CSMD1: variants seen among roughly 807,000 people sequenced by gnomAD.
The protein encoded by CSMD1 is CUB and sushi domain-containing protein 1.
CSMD1 carries 213 observed loss-of-function variants against 417.5 expected under a neutral mutation model. The ratio of observed to expected loss-of-function variants is 0.51; its 90% CI spans 0.46 to 0.57. CSMD1 has a LOEUF of 0.57. CSMD1 is among the 20% of genes least tolerant of loss of function. CSMD1 has a pLI of 0.00. For synonymous variants in CSMD1, 2,862 were observed against 1,736.8 expected (o/e 1.65, Z -16.11); for missense variants, 6,923 against 4,529.7 (o/e 1.53, Z -15.17).
At chr8:3,025,159 T>A (rs1296145129) in intron 51 of CSMD1, among the ~76,000 whole-genome samples, 1 of 149,892 alleles carries the variant, frequency 6.7e-6, no homozygotes, top group East Asian at 2.0e-4. Context: ...TGAAACTGTG[T>A]ATTGTGTGGT....
At chr8:3,579,175 A>G (rs546020139) in intron 9 of CSMD1, among the ~76,000 whole-genome samples, 2 of 152,354 alleles carry the variant, frequency 1.3e-5, no homozygotes, top group South Asian at 4.1e-4. Flanking sequence ...GAATTCACAG[A>G]ATGATAAATT....
intron 50 of CSMD1, among the ~76,000 whole-genome samples, chr8:3,032,187 G>T (rs1161083020): frequency 2.0e-5 from 3 of 151,780 alleles, no homozygotes; most frequent in African/African-American, 7.3e-5. Flanking sequence ...GTGGAAGAGT[G>T]GAGATTTCCA....
intron 2 of CSMD1, among the ~76,000 whole-genome samples, chr8:4,527,482 A>T (rs1230582226): frequency 6.6e-6 from 1 of 152,172 alleles, no homozygotes; most frequent in Non-Finnish European, 1.5e-5. Flanking sequence ...GTGAGTTGTC[A>T]GTGTCAAGAT....
At chr8:4,675,118 G>A (rs1389902614) in intron 1 of CSMD1, among the ~76,000 whole-genome samples, 1 of 152,176 alleles carries the variant, frequency 6.6e-6, no homozygotes, top group Non-Finnish European at 1.5e-5. Context: ...ATTTTGTTAT[G>A]GCAGCCTGAG....
intron 11 of CSMD1, among the ~76,000 whole-genome samples, chr8:3,482,517 A>G (rs1267667287): frequency 6.6e-6 from 1 of 152,230 alleles, no homozygotes; most frequent in African/African-American, 2.4e-5. Context: ...CTTCACGACA[A>G]GAAGCAAAAA....
chr8:4,258,878 G>A (rs991830463), intron 3 of CSMD1, among the ~76,000 whole-genome samples: 2 of 152,116 alleles, frequency 1.3e-5, no homozygotes, highest in African/African-American at 4.8e-5. Flanking sequence ...ATCTCTACCT[G>A]GCCGTGCCAT....
chr8:2,983,230 A>T (rs1201216807), intron 54 of CSMD1, among the ~76,000 whole-genome samples: 2 of 152,070 alleles, frequency 1.3e-5, no homozygotes, highest in African/African-American at 4.8e-5. Flanking sequence ...TCTGTCTCCC[A>T]TGCTGGAGTG....
chr8:3,824,747 T>G (rs768604565), intron 5 of CSMD1, among the ~76,000 whole-genome samples: 1 of 152,186 alleles, frequency 6.6e-6, no homozygotes, highest in African/African-American at 2.4e-5. Flanking sequence ...TAAAATGAGA[T>G]GTGGCTCACA....
intron 3 of CSMD1, among the ~76,000 whole-genome samples, chr8:4,040,940 C>G (rs184431990): frequency 1.8e-4 from 27 of 150,840 alleles, no homozygotes; most frequent in Admixed American, 5.3e-4. Flanking sequence ...ATTAAATAAT[C>G]TTATGGTCTT....
chr8:3,141,806 T>C (rs1818501370), intron 41 of CSMD1, among the ~76,000 whole-genome samples: 1 of 150,894 alleles, frequency 6.6e-6, no homozygotes, highest in African/African-American at 2.4e-5. Flanking sequence ...TTATCTTTTT[T>C]TTTTTTTCTG....
At chr8:3,901,509 G>C (rs1194096049) in intron 5 of CSMD1, among the ~76,000 whole-genome samples, 1 of 152,138 alleles carries the variant, frequency 6.6e-6, no homozygotes, top group African/African-American at 2.4e-5. Flanking sequence ...TGAACCAAGG[G>C]AGCCACGCTT....
chr8:3,438,420 T>A (rs748927584), intron 12 of CSMD1, among the ~76,000 whole-genome samples: 10 of 152,110 alleles, frequency 6.6e-5, no homozygotes, highest in Non-Finnish European at 1.3e-4. Context: ...TACACTTACT[T>A]TGGCCCATCA....
chr8:3,242,978 C>T (rs1275946493), intron 26 of CSMD1, among the ~76,000 whole-genome samples: 1 of 152,214 alleles, frequency 6.6e-6, no homozygotes, highest in South Asian at 2.1e-4. Context: ...AATGGGGAGG[C>T]TGCCTTCCGT....
chr8:4,960,177 T>G (rs1032229770), intron 1 of CSMD1, among the ~76,000 whole-genome samples: 1 of 152,186 alleles, frequency 6.6e-6, no homozygotes, highest in Non-Finnish European at 1.5e-5. Context: ...TTTCAATATT[T>G]CTAAAGATCA....
chr8:3,255,715 G>C (rs1323061160), intron 26 of CSMD1, among the ~76,000 whole-genome samples: 5 of 152,292 alleles, frequency 3.3e-5, no homozygotes, highest in East Asian at 1.9e-4. Flanking sequence ...AGCCCATTGG[G>C]AAAGTGCAGT....
intron 5 of CSMD1, among the ~76,000 whole-genome samples, chr8:3,960,585 A>C (rs1812256372): frequency 6.6e-6 from 1 of 152,174 alleles, no homozygotes; most frequent in African/African-American, 2.4e-5. Context: ...CTGATAAAGC[A>C]AAAAAGTTAT....
chr8:4,329,863 CA>C (rs1799769964), intron 3 of CSMD1, among the ~76,000 whole-genome samples: 1 of 151,642 alleles, frequency 6.6e-6, no homozygotes, highest in Non-Finnish European at 1.5e-5. Context: ...CACACACACA[CA>C]CACACACACA....
intron 3 of CSMD1, among the ~76,000 whole-genome samples, chr8:4,387,642 C>T (rs913880857): frequency 5.0e-5 from 6 of 119,670 alleles, no homozygotes; most frequent in African/African-American, 1.2e-4. Flanking sequence ...AAACCATTTA[C>T]AATAATTAAA....
intron 3 of CSMD1, among the ~76,000 whole-genome samples, chr8:4,154,289 G>C (rs76380375): frequency 0.025 from 3,766 of 151,888 alleles, 143 homozygotes; most frequent in African/African-American, 0.086. Flanking sequence ...AAATAAATAA[G>C]ATGTTTCTGT....
Sources: gnomAD v4.1 joint callset for allele counts (sites outside exome capture counted in the v4.1 genomes callset) on GRCh38, gnomAD v4.1.1 for gene constraint, MANE v1.5 for transcripts, NCBI Gene and HGNC (gene_info 2026-07-23, HGNC 2026-07-21) for gene names.